The following ZNF618 variants were observed in gnomAD, a reference collection of about 807,000 sequenced individuals.
ZNF618 encodes zinc finger protein 618.
Under a neutral mutation model 103.0 loss-of-function variants are expected in ZNF618, and 34 were observed. The observed-to-expected ratio is 0.33, with a 90% CI of 0.25 to 0.44. The LOEUF is 0.44. Among genes scored for constraint, ZNF618 ranks in the 20% least tolerant of loss-of-function variants. The probability of loss-of-function intolerance (pLI) is 1.00; values close to 1 mark genes in which losing one functional copy is unlikely to be tolerated. For synonymous variants in ZNF618, 551 were observed against 542.2 expected, an observed-to-expected ratio of 1.02 and a Z score of -0.23; for missense variants, 1,059 against 1,295.4, an observed-to-expected ratio of 0.82 and a Z score of 2.80.
At chr9:114,022,363 C>A (rs998928484) in intron 10 of ZNF618, among the ~76,000 whole-genome samples, 1 of 151,970 alleles carries the variant, frequency 6.6e-6, no homozygotes, top group Non-Finnish European at 1.5e-5. Flanking sequence ...GTATTCTATA[C>A]AATTCAACAG....
intron 2 of ZNF618, among the ~76,000 whole-genome samples, chr9:113,980,010 C>T (rs1838834780): frequency 6.6e-6 from 1 of 151,852 alleles, no homozygotes; most frequent in African/African-American, 2.4e-5. Context: ...AAGTGGTGGT[C>T]GTGGTATGGT....
chr9:113,916,874 A>G (rs1487397226), intron 1 of ZNF618, among the ~76,000 whole-genome samples: 7 of 152,222 alleles, frequency 4.6e-5, no homozygotes, highest in Non-Finnish European at 1.0e-4. Context: ...GTCTCCAGCA[A>G]TGGTACCTTC....
intron 3 of ZNF618, among the ~76,000 whole-genome samples, chr9:113,996,417 G>A (rs553232778): frequency 1.2e-4 from 18 of 152,280 alleles, no homozygotes; most frequent in African/African-American, 3.8e-4. Flanking sequence ...AAAGGTGCCC[G>A]AGCTTCTCTA....
At chr9:113,901,689 A>T (rs1344297223) in intron 1 of ZNF618, among the ~76,000 whole-genome samples, 1 of 152,122 alleles carries the variant, frequency 6.6e-6, no homozygotes, top group East Asian at 1.9e-4. Context: ...CATAAACGCC[A>T]CTGCTTCGTG....
chr9:114,006,838 C>T (rs1588314324), intron 6 of ZNF618, among the ~76,000 whole-genome samples: 1 of 152,160 alleles, frequency 6.6e-6, no homozygotes, highest in African/African-American at 2.4e-5. Flanking sequence ...CCTTCCCACA[C>T]TCTTAGACTG....
rs1038866796 is a variant in ZNF618 at position 113,991,037 on chromosome 9, C to T, written c.337+2457C>T. ...GTTTCTGCCCTTCACCAGGAGATGC[C>T]CAGGAAAGGATGGTTGAATCTGAAT... On this transcript the variant is annotated intron_variant, in intron 3 of 14. Coordinates refer to ENST00000374126, the MANE Select transcript of ZNF618 (RefSeq NM_001318042.2). Among the ~76,000 whole-genome samples the T allele has an allele frequency of 6.6e-5, 10 of 152,292 alleles. No individual in the cohort carries two copies. In the East Asian group the frequency reaches 1.7e-3, roughly 26 times the overall value.
At chr9:113,913,949 C>T (rs897280738) in intron 1 of ZNF618, among the ~76,000 whole-genome samples, 1 of 152,136 alleles carries the variant, frequency 6.6e-6, no homozygotes, top group African/African-American at 2.4e-5. Context: ...GAATGGAACA[C>T]ACTGTGTCTT....
intron 4 of ZNF618, among the ~76,000 whole-genome samples, chr9:113,999,371 C>A (rs745587344): frequency 6.8e-6 from 1 of 147,764 alleles, no homozygotes; most frequent in African/African-American, 2.5e-5. Context: ...CTGAGCGAGG[C>A]GCAGGCGGGG....
At chr9:113,901,136 T>C (rs35381898) in intron 1 of ZNF618, among the ~76,000 whole-genome samples, 86,866 of 135,390 alleles carry the variant, frequency 0.64, 26,361 homozygotes, top group East Asian at 0.71. Flanking sequence ...TAGCACCGTC[T>C]TCTCCCGCGA....
intron 3 of ZNF618, among the ~76,000 whole-genome samples, chr9:113,989,513 C>A (rs184722913): frequency 8.5e-5 from 13 of 152,204 alleles, no homozygotes; most frequent in Non-Finnish European, 1.8e-4. Context: ...TCATTCCTGG[C>A]GTGGAGGCCT....
chr9:114,055,759 AT>A lies in ZNF618; in HGVS notation c.*5593del, dbSNP rs1213552780. Reference sequence around the variant, plus strand: ...TTACAAAAAAACAAACACAAAAAAAATATCTTTTTTAGGCCAGAGTTTTCTA... The same window carrying A: ...TTACAAAAAAACAAACACAAAAAAAAATCTTTTTTAGGCCAGAGTTTTCTA... On this transcript the variant is annotated 3_prime_UTR_variant, in exon 15 of 15. Coordinates refer to ENST00000374126, the MANE Select transcript of ZNF618 (RefSeq NM_001318042.2). The A allele has an allele frequency of 6.6e-6, 1 of 152,490 alleles. No homozygotes were observed. Among genetic ancestry groups the A allele is most frequent in the Non-Finnish European group, 1.5e-5 (1 of 68,024 alleles). 9.4% of individuals were successfully genotyped at this position (152,490 alleles called of 1,614,324 possible). A position where few individuals can be genotyped will look rare whatever the true frequency, so the allele number is the denominator to read the frequency against.
intron 6 of ZNF618, among the ~76,000 whole-genome samples, chr9:114,005,286 C>T (rs547397951): frequency 3.9e-5 from 6 of 152,304 alleles, no homozygotes; most frequent in East Asian, 3.9e-4. Flanking sequence ...GAAAATGCAG[C>T]GGTTCTGAAA....
At chr9:113,996,488 C>T (rs1255037203) in intron 3 of ZNF618, among the ~76,000 whole-genome samples, 2 of 152,206 alleles carry the variant, frequency 1.3e-5, no homozygotes, top group Non-Finnish European at 2.9e-5. Flanking sequence ...TGCATCCTCT[C>T]CTAGGCATCT....
In ZNF618 at chr9:114,050,265, A is replaced by G; in HGVS notation, c.*98A>G. The G allele has an allele frequency of 7.2e-7, 1 of 1,397,158 alleles. No individual in the cohort carries two copies. The highest frequency in any genetic ancestry group is 9.6e-7 in the Non-Finnish European group (1 of 1,044,612). The allele number at this position is 1,397,158 out of a possible 1,614,324, so 86.5% of individuals were successfully genotyped here. ...AAGAAAAGGAATTTAAGTTCTAAACACTGTGGACCTCATTATAAATGCCCC... is the reference window on the plus strand; with the variant it reads ...AAGAAAAGGAATTTAAGTTCTAAACGCTGTGGACCTCATTATAAATGCCCC... On this transcript the variant is annotated 3_prime_UTR_variant, in exon 15 of 15. Coordinates refer to ENST00000374126, the MANE Select transcript of ZNF618 (RefSeq NM_001318042.2).
At chr9:113,942,828 T>A (rs1588108821) in intron 1 of ZNF618, among the ~76,000 whole-genome samples, 1 of 152,142 alleles carries the variant, frequency 6.6e-6, no homozygotes. Context: ...TCTGGCAAGT[T>A]CAAAAAGGGC....
chr9:114,047,852 T>C (rs1412683202), intron 13 of ZNF618, 41 bp from the exon 14 acceptor site: 1 of 1,546,470 alleles, frequency 6.5e-7, no homozygotes, highest in African/African-American at 1.4e-5. Flanking sequence ...AACAGGCCTC[T>C]TACCCTTCCA....
intron 1 of ZNF618, among the ~76,000 whole-genome samples, chr9:113,948,814 C>T (rs1256159317): frequency 1.3e-5 from 2 of 152,186 alleles, no homozygotes; most frequent in South Asian, 4.1e-4. Context: ...AGGAAGAAAG[C>T]AGTGCCCCCC....
At chr9:113,902,905 G>GT (rs1295149640) in intron 1 of ZNF618, among the ~76,000 whole-genome samples, 1 of 152,148 alleles carries the variant, frequency 6.6e-6, no homozygotes, top group African/African-American at 2.4e-5. Context: ...TGCCTTAACT[G>GT]TCCCCCCTCA....
intron 9 of ZNF618, among the ~76,000 whole-genome samples, chr9:114,014,058 T>C (rs986735601): frequency 2.0e-5 from 3 of 152,218 alleles, no homozygotes; most frequent in African/African-American, 7.2e-5. Context: ...TTATATACTG[T>C]CTAATTGTCT....
Sources: allele counts gnomAD v4.1 joint callset (sites outside exome capture counted in the v4.1 genomes callset), GRCh38; gene constraint gnomAD v4.1.1; transcripts MANE v1.5; gene names NCBI Gene and HGNC (gene_info 2026-07-23, HGNC 2026-07-21).